The following CFTR variants were observed in gnomAD, a reference collection of about 807,000 sequenced individuals.
The protein encoded by CFTR is cystic fibrosis transmembrane conductance regulator.
Under a neutral mutation model 171.6 loss-of-function variants are expected in CFTR, and 181 were observed. That is an observed-to-expected ratio of 1.05 (90% CI 0.93 to 1.19). CFTR has a LOEUF of 1.19. CFTR is among the 50% of genes most tolerant of loss of function. The pLI is 0.00. For synonymous variants in CFTR, 583 were observed against 608.0 expected, an observed-to-expected ratio of 0.96 and a Z score of 0.60; for missense variants, 1,968 against 1,734.7, an observed-to-expected ratio of 1.13 and a Z score of -2.39.
intron 11 of CFTR, among the ~76,000 whole-genome samples, chr7:117,561,948 GA>G (rs1157022873): frequency 6.6e-6 from 1 of 152,128 alleles, no homozygotes; most frequent in African/African-American, 2.4e-5. Flanking sequence ...GGGCCTTGAA[GA>G]AATATTTTGA....
chr7:117,604,139 A>G (rs1054001119), intron 17 of CFTR, among the ~76,000 whole-genome samples: 7 of 152,026 alleles, frequency 4.6e-5, no homozygotes, highest in African/African-American at 1.7e-4. Flanking sequence ...AAAGGGCAGG[A>G]GATTTGAAGT....
intron 3 of CFTR, among the ~76,000 whole-genome samples, chr7:117,513,920 A>C (rs1798560504): frequency 6.6e-6 from 1 of 152,160 alleles, no homozygotes; most frequent in Non-Finnish European, 1.5e-5. Context: ...TGCCTACTGC[A>C]TTGTACATCT....
intron 21 of CFTR, among the ~76,000 whole-genome samples, chr7:117,621,675 T>C (rs1056937371): frequency 3.9e-5 from 6 of 152,226 alleles, no homozygotes; most frequent in Non-Finnish European, 1.5e-5. Context: ...AGAAAAATCA[T>C]ATTAAAATAG....
chr7:117,537,091 G>GA (rs919474797), intron 7 of CFTR, among the ~76,000 whole-genome samples: 3 of 152,092 alleles, frequency 2.0e-5, no homozygotes, highest in Non-Finnish European at 4.4e-5. Context: ...TATTAAACAT[G>GA]AAAAAAATTG....
chr7:117,500,332 G>A (rs1303845026), intron 1 of CFTR, among the ~76,000 whole-genome samples: 1 of 143,420 alleles, frequency 7.0e-6, no homozygotes, highest in African/African-American at 2.6e-5. Flanking sequence ...TGTTGCCCAG[G>A]CTGGAGTGCA....
intron 10 of CFTR, among the ~76,000 whole-genome samples, chr7:117,556,801 G>T (rs1421177400): frequency 6.6e-6 from 1 of 151,586 alleles, no homozygotes; most frequent in Non-Finnish European, 1.5e-5. Context: ...TTACAGGCGT[G>T]AGCCACCGCG....
chr7:117,537,098 A>G (rs1298402873), intron 7 of CFTR, among the ~76,000 whole-genome samples: 1 of 152,164 alleles, frequency 6.6e-6, no homozygotes, highest in African/African-American at 2.4e-5. Flanking sequence ...CATGAAAAAA[A>G]TTGTATTTGG....
At position 117,633,610 on chromosome 7, in the gene CFTR, A is replaced by G. The variant is rs1037277871; in HGVS notation, c.3717+5840A>G. ...GGAAAACTTCAAGTTTCTTATCATT[A>G]AGTATGATTTTAGCTGGAGGGTTTT... is the stretch of plus-strand genomic sequence containing the variant. On this transcript the variant is annotated intron_variant, in intron 22 of 26. Coordinates refer to ENST00000003084, the MANE Select transcript of CFTR (RefSeq NM_000492.4). Among the ~76,000 whole-genome samples, 4 of 151,900 alleles carry G rather than the reference A, an allele frequency of 2.6e-5. 1 individual carries two copies. The South Asian group carries it at 6.2e-4, about 24-fold the overall frequency.
At chr7:117,500,542 G>A (rs1270690806) in intron 1 of CFTR, among the ~76,000 whole-genome samples, 1 of 151,642 alleles carries the variant, frequency 6.6e-6, no homozygotes, top group Non-Finnish European at 1.5e-5. Context: ...CACCCACCTC[G>A]GCCTCCCAAA....
At chr7:117,523,400 AG>A (rs1424556639) in intron 3 of CFTR, among the ~76,000 whole-genome samples, 1 of 148,990 alleles carries the variant, frequency 6.7e-6, no homozygotes. Flanking sequence ...TTTTTGAGAC[AG>A]AGTCTTGCTC....
chr7:117,535,133 A>G lies in CFTR; in HGVS notation c.580-115A>G, dbSNP rs1798926836. ...CCTAGATTTTAGTGTGCTCAGAACC[A>G]CGAAGTGTTTGATCATATAAGCTCC... On this transcript the variant is annotated intron_variant, in intron 5 of 26. Coordinates refer to ENST00000003084, the MANE Select transcript of CFTR (RefSeq NM_000492.4). 4 of 1,091,684 alleles carry G rather than the reference A, an allele frequency of 3.7e-6. No homozygotes were observed. In the African/African-American group the frequency reaches 6.2e-5, roughly 17 times the overall value. The allele number at this position is 1,091,684 out of a possible 1,614,324, so 67.6% of individuals were successfully genotyped here.
At chr7:117,551,445 A>T (rs375124239) in intron 10 of CFTR, among the ~76,000 whole-genome samples, 24 of 152,290 alleles carry the variant, frequency 1.6e-4, no homozygotes, top group East Asian at 1.3e-3. Flanking sequence ...GGTATATTTT[A>T]TATTTCTAGA....
intron 1 of CFTR, among the ~76,000 whole-genome samples, chr7:117,492,449 T>C (rs1798175056): frequency 6.6e-6 from 1 of 152,064 alleles, no homozygotes; most frequent in Non-Finnish European, 1.5e-5. Context: ...ACATATCATG[T>C]TTGTGTAATT....
chr7:117,524,774 AT>A (rs1238320057), intron 3 of CFTR, among the ~76,000 whole-genome samples: 2 of 152,216 alleles, frequency 1.3e-5, no homozygotes, highest in Non-Finnish European at 2.9e-5. Context: ...ATGGGCAAAT[AT>A]CCCGATTTAT....
intron 18 of CFTR, among the ~76,000 whole-genome samples, 180 bp downstream of exon 18, chr7:117,606,933 G>T (rs545097887): frequency 6.6e-6 from 1 of 152,194 alleles, no homozygotes; most frequent in Admixed American, 6.5e-5. Flanking sequence ...TCAATAATAA[G>T]TCAGAACTGC....
At chr7:117,633,596 A>G (rs2116144000) in intron 22 of CFTR, among the ~76,000 whole-genome samples, 1 of 151,484 alleles carries the variant, frequency 6.6e-6, no homozygotes, top group Non-Finnish European at 1.5e-5. Context: ...GAAAACTTCA[A>G]GTTTCTTATC....
intron 22 of CFTR, among the ~76,000 whole-genome samples, chr7:117,630,951 T>C (rs935524030): frequency 1.3e-5 from 2 of 152,076 alleles, no homozygotes. Context: ...AAGGAAGTAA[T>C]GGGAGACAAG....
chr7:117,617,051 G>A (rs1262451650), intron 21 of CFTR, among the ~76,000 whole-genome samples: 2 of 152,118 alleles, frequency 1.3e-5, no homozygotes, highest in African/African-American at 4.8e-5. Flanking sequence ...TGTGACTTCT[G>A]AAGTAAAAAC....
intron 24 of CFTR, 80 bp from the exon 25 acceptor site, chr7:117,664,608 C>A: frequency 7.7e-7 from 1 of 1,300,388 alleles, no homozygotes; most frequent in Non-Finnish European, 1.1e-6. Flanking sequence ...GCTTTCAGAA[C>A]TCCTGTGTTT....
Sources: gnomAD v4.1 joint callset for allele counts (sites outside exome capture counted in the v4.1 genomes callset) on GRCh38, gnomAD v4.1.1 for gene constraint, MANE v1.5 for transcripts, NCBI Gene and HGNC (gene_info 2026-07-23, HGNC 2026-07-21) for gene names.